The following GRM8 variants were observed in gnomAD, a reference collection of about 807,000 sequenced individuals.
The protein encoded by GRM8 is metabotropic glutamate receptor 8.
GRM8 carries 47 observed loss-of-function variants against 87.2 expected under a neutral mutation model. The ratio of observed to expected loss-of-function variants is 0.54; its 90% CI spans 0.43 to 0.69. The LOEUF is 0.69. Among genes scored for constraint, GRM8 ranks in the 30% least tolerant of loss-of-function variants. The probability of loss-of-function intolerance (pLI) is 0.00; values close to 1 mark genes in which losing one functional copy is unlikely to be tolerated. For missense variants in GRM8, 1,019 were observed against 1,139.2 expected (o/e 0.89, Z 1.52); for synonymous variants, 396 against 404.5 (o/e 0.98, Z 0.25).
At chr7:126,768,845 T>C (rs1212619742) in intron 7 of GRM8, among the ~76,000 whole-genome samples, 2 of 151,824 alleles carry the variant, frequency 1.3e-5, no homozygotes, top group Non-Finnish European at 2.9e-5. Flanking sequence ...TGTTATGTAA[T>C]GTTTCACAAA....
chr7:126,466,026 G>A (rs1804461521), intron 9 of GRM8, among the ~76,000 whole-genome samples: 1 of 151,788 alleles, frequency 6.6e-6, no homozygotes, highest in Admixed American at 6.6e-5. Context: ...AGTTATAAAT[G>A]GATATTAATT....
At chr7:127,090,649 C>T (rs1477536175) in intron 3 of GRM8, among the ~76,000 whole-genome samples, 1 of 152,134 alleles carries the variant, frequency 6.6e-6, no homozygotes, top group East Asian at 1.9e-4. Context: ...CTTCTGTTTC[C>T]CAACTGAAAC....
At chr7:126,964,822 C>T (rs577740664) in intron 3 of GRM8, among the ~76,000 whole-genome samples, 7 of 152,192 alleles carry the variant, frequency 4.6e-5, no homozygotes, top group African/African-American at 7.2e-5. Flanking sequence ...TATACCCAAA[C>T]GATTATAAAT....
At chr7:127,113,463 G>A (rs1344874537) in intron 2 of GRM8, among the ~76,000 whole-genome samples, 1 of 143,242 alleles carries the variant, frequency 7.0e-6, no homozygotes, top group Admixed American at 6.8e-5. Context: ...CATGAAAAAG[G>A]GTTTTTTTTT....
chr7:126,943,994 T>C (rs1194172814), intron 3 of GRM8, among the ~76,000 whole-genome samples: 1 of 152,238 alleles, frequency 6.6e-6, no homozygotes, highest in Non-Finnish European at 1.5e-5. Flanking sequence ...TATTTTTCTG[T>C]CTTTCCAGGT....
chr7:127,077,744 A>G (rs1822435608), intron 3 of GRM8, among the ~76,000 whole-genome samples: 1 of 151,844 alleles, frequency 6.6e-6, no homozygotes, highest in African/African-American at 2.4e-5. Context: ...CCATCTTCTT[A>G]ACTTATTTTT....
At chr7:126,688,441 T>G (rs1242266745) in intron 7 of GRM8, among the ~76,000 whole-genome samples, 1 of 152,098 alleles carries the variant, frequency 6.6e-6, no homozygotes, top group Non-Finnish European at 1.5e-5. Flanking sequence ...AATAGAGCCC[T>G]AAGTATAATT....
chr7:126,855,299 T>C (rs188080236), intron 6 of GRM8, among the ~76,000 whole-genome samples: 1 of 152,280 alleles, frequency 6.6e-6, no homozygotes, highest in East Asian at 1.9e-4. Context: ...TACATTGTGC[T>C]AGCTAACTTG....
rs561951089 is a variant in GRM8 at position 126,514,494 on chromosome 7, T to C, written c.2430+18458A>G. On this transcript the variant is annotated intron_variant, in intron 9 of 10. Coordinates refer to ENST00000339582, the MANE Select transcript of GRM8 (RefSeq NM_000845.3). ...GTGAATATTTATGAAATGATCTTTG[T>C]ATAACTGTGGTCAAAGTATGCATTA... Among the ~76,000 whole-genome samples, 4 of 152,266 alleles carry C rather than the reference T, an allele frequency of 2.6e-5. No individual in the cohort carries two copies. In the East Asian group the frequency reaches 7.7e-4, roughly 29 times the overall value.
At chr7:126,548,842 C>T (rs1817463582) in intron 8 of GRM8, among the ~76,000 whole-genome samples, 1 of 152,056 alleles carries the variant, frequency 6.6e-6, no homozygotes, top group Non-Finnish European at 1.5e-5. Context: ...CTAGGGGCTG[C>T]CATCTTCGAA....
intron 7 of GRM8, among the ~76,000 whole-genome samples, chr7:126,717,636 T>A (rs1310424719): frequency 1.3e-5 from 2 of 152,194 alleles, no homozygotes; most frequent in African/African-American, 4.8e-5. Flanking sequence ...CTTCAAATAA[T>A]TGTGGAATCT....
At chr7:126,975,469 G>T (rs898766427) in intron 3 of GRM8, among the ~76,000 whole-genome samples, 1 of 152,166 alleles carries the variant, frequency 6.6e-6, no homozygotes, top group Non-Finnish European at 1.5e-5. Flanking sequence ...GTTTTAAATT[G>T]CAGTTTGTAA....
intron 6 of GRM8, among the ~76,000 whole-genome samples, chr7:126,900,490 C>T (rs1474444431): frequency 2.0e-5 from 3 of 151,774 alleles, no homozygotes; most frequent in Admixed American, 6.6e-5. Flanking sequence ...CCCTAGCTAG[C>T]TTTTTTGTTT....
At chr7:126,818,619 C>T (rs1240064269) in intron 6 of GRM8, among the ~76,000 whole-genome samples, 4 of 152,192 alleles carry the variant, frequency 2.6e-5, no homozygotes, top group African/African-American at 7.2e-5. Flanking sequence ...TGCTCTGAGT[C>T]ATACATTTAA....
intron 2 of GRM8, among the ~76,000 whole-genome samples, chr7:127,144,262 G>C (rs563400814): frequency 3.3e-5 from 5 of 152,172 alleles, no homozygotes; most frequent in African/African-American, 9.6e-5. Context: ...AGAAGAAAAA[G>C]AAAAGAATAA....
intron 2 of GRM8, among the ~76,000 whole-genome samples, chr7:127,167,250 A>G (rs1793509567): frequency 1.3e-5 from 2 of 152,176 alleles, no homozygotes; most frequent in African/African-American, 4.8e-5. Flanking sequence ...CCTTATCATC[A>G]TGTACATGCC....
At chr7:126,556,572 A>G (rs2299463) in intron 8 of GRM8, among the ~76,000 whole-genome samples, 46,589 of 151,926 alleles carry the variant, frequency 0.31, 8,049 homozygotes, top group East Asian at 0.44. Flanking sequence ...GCTTGAACGC[A>G]GGAGGCAGAG....
At chr7:126,876,532 G>A (rs180749996) in intron 6 of GRM8, among the ~76,000 whole-genome samples, 31 of 152,012 alleles carry the variant, frequency 2.0e-4, no homozygotes, top group Admixed American at 6.6e-5. Flanking sequence ...CTCTGTCTAC[G>A]GGTTACTTGT....
intron 3 of GRM8, among the ~76,000 whole-genome samples, chr7:127,039,228 G>C (rs927630039): frequency 6.6e-6 from 1 of 152,138 alleles, no homozygotes; most frequent in Non-Finnish European, 1.5e-5. Context: ...TCTTTAGAAA[G>C]GTTAAAGGAC....
Sources: gnomAD v4.1 joint callset for allele counts (sites outside exome capture counted in the v4.1 genomes callset) on GRCh38, gnomAD v4.1.1 for gene constraint, MANE v1.5 for transcripts, NCBI Gene and HGNC (gene_info 2026-07-23, HGNC 2026-07-21) for gene names.